KLHL3: variants seen among roughly 807,000 people sequenced by gnomAD.
The protein encoded by KLHL3 is kelch like family member 3.
In KLHL3, 19 loss-of-function variants were observed where a neutral mutation model predicts 70.5. The ratio of observed to expected loss-of-function variants is 0.27; its 90% CI spans 0.19 to 0.40. KLHL3 has a LOEUF of 0.40. KLHL3 is among the 10% of genes least tolerant of loss of function. The pLI is 1.00. For synonymous variants in KLHL3, 258 were observed against 290.3 expected (o/e 0.89, Z 1.13); for missense variants, 512 against 771.1 (o/e 0.66, Z 3.98).
intron 3 of KLHL3, among the ~76,000 whole-genome samples, chr5:137,700,433 T>C (rs548198455): frequency 1.1e-3 from 166 of 152,366 alleles, no homozygotes; most frequent in Middle Eastern, 3.4e-3. Flanking sequence ...AATCAGAGCC[T>C]GGGCTGACTG....
intron 6 of KLHL3, among the ~76,000 whole-genome samples, chr5:137,670,957 G>C (rs1751741051): frequency 7.5e-6 from 1 of 134,088 alleles, no homozygotes; most frequent in African/African-American, 2.9e-5. Flanking sequence ...TGGGCAAAGA[G>C]CGAGACTCCA....
intron 5 of KLHL3, among the ~76,000 whole-genome samples, chr5:137,690,899 T>G (rs113944169): frequency 6.6e-6 from 1 of 151,946 alleles, no homozygotes; most frequent in Admixed American, 6.5e-5. Flanking sequence ...AAGAAGGAGG[T>G]GTTTTATTGC....
Position 137,658,154 on chromosome 5 carries a change from TGG to T in KLHL3, c.878_879del (p.Pro293GlnfsTer28). ...RLLIKNPRTK[P>X]RTPVSLPKVM... ...ACCTTGGGAAGGCTGACTGGAGTCC[TGG>T]GCTTGGTCCTTGGGTTCTTAATCAA... On this transcript the variant is annotated frameshift_variant, in exon 8 of 15. Transcript: ENST00000309755. LOFTEE classifies it high-confidence loss of function. The T allele has an allele frequency of 6.2e-7, 1 of 1,613,628 alleles. No individual in the cohort carries two copies. Among genetic ancestry groups the T allele is most frequent in the Non-Finnish European group, 8.5e-7 (1 of 1,179,942 alleles).
intron 3 of KLHL3, among the ~76,000 whole-genome samples, chr5:137,704,736 A>G (rs555862713): frequency 6.6e-6 from 1 of 152,298 alleles, no homozygotes; most frequent in African/African-American, 2.4e-5. Context: ...CTGTTGAACC[A>G]CAAGCCAAAT....
chr5:137,636,129 T>A (rs901822427), intron 11 of KLHL3, among the ~76,000 whole-genome samples: 1 of 152,194 alleles, frequency 6.6e-6, no homozygotes, highest in African/African-American at 2.4e-5. Flanking sequence ...TTTACCTTGG[T>A]AGGAGGACAA....
chr5:137,701,990 A>C (rs1752578913), intron 3 of KLHL3, among the ~76,000 whole-genome samples: 1 of 152,218 alleles, frequency 6.6e-6, no homozygotes, highest in Non-Finnish European at 1.5e-5. Flanking sequence ...GATTCTCTCT[A>C]GGGCAGATAT....
At chr5:137,733,924 T>A (rs767640060) in intron 1 of KLHL3, among the ~76,000 whole-genome samples, 9 of 152,302 alleles carry the variant, frequency 5.9e-5, no homozygotes, top group Middle Eastern at 3.4e-3. Context: ...CTGGTGAACA[T>A]TGGAAGCTGC....
intron 2 of KLHL3, among the ~76,000 whole-genome samples, chr5:137,712,698 C>T (rs1752817459): frequency 6.6e-6 from 1 of 152,150 alleles, no homozygotes; most frequent in Non-Finnish European, 1.5e-5. Context: ...GGACTAGACA[C>T]TTTGCCATTT....
At chr5:137,712,521 G>A (rs138148748) in intron 2 of KLHL3, among the ~76,000 whole-genome samples, 2,971 of 152,306 alleles carry the variant, frequency 0.02, 39 homozygotes, top group Non-Finnish European at 0.031. Context: ...GGGGAAGCCT[G>A]TCTGCACACT....
At chr5:137,720,859 G>A in intron 1 of KLHL3, 5 of 1,249,340 alleles carry the variant, frequency 4.0e-6, no homozygotes, top group Non-Finnish European at 5.1e-6. Context: ...TCTCCATCCT[G>A]AAAACTGAAG....
intron 14 of KLHL3, among the ~76,000 whole-genome samples, chr5:137,624,033 A>G (rs531005752): frequency 6.6e-6 from 1 of 152,314 alleles, no homozygotes; most frequent in Non-Finnish European, 1.5e-5. Flanking sequence ...GCTATTACAA[A>G]TGTTTTCTCA....
chr5:137,722,328 C>A (rs1753012135), intron 1 of KLHL3, among the ~76,000 whole-genome samples: 1 of 152,226 alleles, frequency 6.6e-6, no homozygotes, highest in South Asian at 2.1e-4. Flanking sequence ...ACCATCAGTT[C>A]ATCATGCAAA....
chr5:137,675,104 A>G (rs1163135631), intron 6 of KLHL3, among the ~76,000 whole-genome samples: 1 of 152,230 alleles, frequency 6.6e-6, no homozygotes, highest in Non-Finnish European at 1.5e-5. Flanking sequence ...TGCTTTATGA[A>G]AAGCAGCACA....
At chr5:137,633,354 T>C (rs569112012) in intron 12 of KLHL3, among the ~76,000 whole-genome samples, 29 of 148,784 alleles carry the variant, frequency 1.9e-4, no homozygotes, top group Middle Eastern at 3.6e-3. Context: ...GGTATGCTTA[T>C]ACACTGTTGT....
chr5:137,716,042 T>C (rs1270324323), intron 2 of KLHL3, among the ~76,000 whole-genome samples: 1 of 152,192 alleles, frequency 6.6e-6, no homozygotes, highest in Non-Finnish European at 1.5e-5. Flanking sequence ...AAGATAACCA[T>C]AGCAGGGGTT....
intron 13 of KLHL3, among the ~76,000 whole-genome samples, chr5:137,626,302 TCTG>T (rs1750460493): frequency 6.6e-6 from 1 of 152,176 alleles, no homozygotes; most frequent in African/African-American, 2.4e-5. Flanking sequence ...CTACTCCTTC[TCTG>T]CTGCTAAGTT....
intron 5 of KLHL3, among the ~76,000 whole-genome samples, chr5:137,679,687 A>C (rs1164065831): frequency 6.6e-6 from 1 of 151,908 alleles, no homozygotes; most frequent in Non-Finnish European, 1.5e-5. Flanking sequence ...TCAGCACCCC[A>C]CCTCCATCTC....
At chr5:137,661,822 C>T in intron 7 of KLHL3, 93 bp downstream of exon 7, 2 of 734,838 alleles carry the variant, frequency 2.7e-6, no homozygotes, top group African/African-American at 1.8e-5. Flanking sequence ...ACCCACTAAA[C>T]CCTCAACTAC....
chr5:137,664,841 T>G (rs1751574969), intron 6 of KLHL3, among the ~76,000 whole-genome samples: 2 of 151,974 alleles, frequency 1.3e-5, no homozygotes, highest in Admixed American at 6.6e-5. Context: ...ATAATAAAGT[T>G]GTTGGATGGG....
Sources: gnomAD v4.1 joint callset for allele counts (sites outside exome capture counted in the v4.1 genomes callset) on GRCh38, gnomAD v4.1.1 for gene constraint, MANE v1.5 for transcripts, NCBI Gene and HGNC (gene_info 2026-07-23, HGNC 2026-07-21) for gene names.